Variants in FRY observed in about 807,000 individuals in gnomAD.
FRY encodes the protein protein furry homolog.
FRY carries 128 observed loss-of-function variants against 348.4 expected under a neutral mutation model. That is an observed-to-expected ratio of 0.37 (90% confidence interval 0.32 to 0.43). The LOEUF is 0.43. Among genes scored for constraint, FRY ranks in the 20% least tolerant of loss-of-function variants. The pLI is 1.00. For missense variants in FRY, 2,736 were observed against 3,695.2 expected, an observed-to-expected ratio of 0.74 and a Z score of 6.73; for synonymous variants, 1,370 against 1,374.7, an observed-to-expected ratio of 1.00 and a Z score of 0.08.
intron 42 of FRY, among the ~76,000 whole-genome samples, chr13:32,235,724 G>A (rs1018780143): frequency 2.0e-5 from 3 of 152,138 alleles, no homozygotes; most frequent in Non-Finnish European, 4.4e-5. Flanking sequence ...AAAACACCAC[G>A]GAGGCAGCTC....
chr13:32,185,978 GT>G (rs1467880230), intron 26 of FRY, among the ~76,000 whole-genome samples: 2 of 152,148 alleles, frequency 1.3e-5, no homozygotes, highest in African/African-American at 4.8e-5. Context: ...AAGTGTTGCA[GT>G]TTTCCCAGGT....
chr13:32,206,826 G>A (rs1328510905), intron 31 of FRY, among the ~76,000 whole-genome samples: 2 of 152,190 alleles, frequency 1.3e-5, no homozygotes, highest in Non-Finnish European at 2.9e-5. Flanking sequence ...TATAAACCCT[G>A]TGGTGAAATT....
chr13:32,249,406 T>A (rs540116493), intron 48 of FRY, 120 bp from the exon 49 acceptor site: 4 of 1,078,050 alleles, frequency 3.7e-6, no homozygotes, highest in Non-Finnish European at 5.5e-6. Context: ...CTTGTAACAC[T>A]GAACTTCTCT....
At position 32,133,505 on chromosome 13, in the gene FRY, T is replaced by C. The variant is rs139701338; in HGVS notation, c.886-1399T>C. On this transcript the variant is annotated intron_variant, in intron 8 of 60. Transcript: ENST00000542859. ...GACTTGAGAGAGTATTACATACTTA[T>C]GCAAAATAATGTAGCAAAAGAATGA... Among the ~76,000 whole-genome samples, 549 of 152,326 alleles carry C rather than the reference T, an allele frequency of 3.6e-3. 5 individuals carry two copies. The highest frequency in any genetic ancestry group is 0.013 in the African/African-American group (522 of 41,566).
At chr13:32,060,479 G>A (rs918702054) in intron 1 of FRY, among the ~76,000 whole-genome samples, 1 of 152,052 alleles carries the variant, frequency 6.6e-6, no homozygotes, top group Admixed American at 6.6e-5. Context: ...ATGGTTTCTC[G>A]CTGACTCTTG....
At chr13:32,077,334 C>T (rs149958346) in intron 1 of FRY, among the ~76,000 whole-genome samples, 3 of 152,108 alleles carry the variant, frequency 2.0e-5, no homozygotes, top group Non-Finnish European at 2.9e-5. Context: ...AAATAATGTC[C>T]GCAAAGAAGT....
rs758946061 is a variant in FRY at position 32,239,693 on chromosome 13, AT to A, written c.6517-11del. ...CATTGGGCTATTTTATTCCTAATTGATTTTTTTATTTTAAAAGGTTTGTTTA... is the reference window on the plus strand; with the variant it reads ...CATTGGGCTATTTTATTCCTAATTGATTTTTTATTTTAAAAGGTTTGTTTA... On this transcript the variant is annotated splice_polypyrimidine_tract_variant and intron_variant, in intron 45 of 60. Coordinates refer to ENST00000542859, the MANE Select transcript of FRY (RefSeq NM_023037.3). This position sits in a 1 kb window ranked among gnomAD's most constrained non-coding sequence, Gnocchi z 4.3. 1.3e-6 allele frequency: 2 copies of A among 1,573,202 alleles called. No individual in the cohort carries two copies. The highest frequency in any genetic ancestry group is 1.7e-6 in the Non-Finnish European group (2 of 1,143,294).
intron 33 of FRY, 31 bp from the exon 34 acceptor site, chr13:32,210,835 A>G: frequency 2.5e-6 from 4 of 1,603,352 alleles, no homozygotes; most frequent in Non-Finnish European, 3.4e-6. Flanking sequence ...GGCTCTGTGA[A>G]ACATCCCTTG....
intron 48 of FRY, among the ~76,000 whole-genome samples, chr13:32,249,192 C>G (rs1181316092): frequency 6.6e-6 from 1 of 152,140 alleles, no homozygotes; most frequent in Non-Finnish European, 1.5e-5. Context: ...GTCTCTTGTT[C>G]TAACTATATG....
chr13:32,155,304 G>C (rs1295611299), intron 14 of FRY, among the ~76,000 whole-genome samples, 187 bp from the exon 15 acceptor site: 2 of 152,078 alleles, frequency 1.3e-5, no homozygotes, highest in African/African-American at 4.8e-5. Flanking sequence ...TTCTTATAAT[G>C]CAACAAGAAA....
Position 32,239,887 on chromosome 13 carries a change from C to T in FRY, c.6687+6C>T. ...TGGTTACCTACCTGGCAGAGGTAAG[C>T]TTTTTTTTTTTGTTTTTTGAGACAG... On this transcript the variant is annotated splice_donor_region_variant and intron_variant, in intron 46 of 60. Transcript: ENST00000542859. The surrounding 1 kb of genome is among the most constrained non-coding windows in gnomAD (Gnocchi z 4.3). 2 of 1,260,068 alleles carry T rather than the reference C, an allele frequency of 1.6e-6. No individual in the cohort carries two copies. Among genetic ancestry groups the T allele is most frequent in the Non-Finnish European group, 2.2e-6 (2 of 909,006 alleles). The allele number at this position is 1,260,068 out of a possible 1,614,324, so 78.1% of individuals were successfully genotyped here.
At chr13:32,194,083 C>T in intron 28 of FRY, 60 bp from the exon 29 acceptor site, 1 of 1,485,438 alleles carries the variant, frequency 6.7e-7, no homozygotes, top group Non-Finnish European at 9.4e-7. Flanking sequence ...TTATCTGTAT[C>T]TTTCTCTAGA....
At chr13:32,069,865 A>T (rs451237) in intron 1 of FRY, among the ~76,000 whole-genome samples, 1 of 142,264 alleles carries the variant, frequency 7.0e-6, no homozygotes, top group Non-Finnish European at 1.5e-5. Flanking sequence ...CCTCCCCCAG[A>T]CCCCCACCCC....
rs374808796 is a variant in FRY, at chr13:32,254,400, G to A, written c.7416+6G>A. 11 of 1,612,456 alleles carry A rather than the reference G, an allele frequency of 6.8e-6. No individual in the cohort carries two copies. The African/African-American group carries it at 9.3e-5, about 14-fold the overall frequency. ...TGGAGCTGGAGGATGGAGAGGTACG[G>A]TGTATTCTCTGTAAAAATAATCCCC... On this transcript the variant is annotated splice_donor_region_variant and intron_variant, in intron 51 of 60. Coordinates refer to ENST00000542859, the MANE Select transcript of FRY (RefSeq NM_023037.3).
intron 11 of FRY, among the ~76,000 whole-genome samples, chr13:32,141,358 A>T (rs1880059829): frequency 1.3e-5 from 2 of 152,252 alleles, no homozygotes; most frequent in African/African-American, 4.8e-5. Flanking sequence ...TGTCAAAAAG[A>T]TGTAAAGTAT....
chr13:32,051,919 TAAG>T (rs895972176), intron 1 of FRY, among the ~76,000 whole-genome samples: 1 of 152,330 alleles, frequency 6.6e-6, no homozygotes, highest in African/African-American at 2.4e-5. Context: ...AGAGGAAGAT[TAAG>T]ATGTTTAAAA....
intron 3 of FRY, among the ~76,000 whole-genome samples, chr13:32,116,829 C>G (rs962938509): frequency 1.1e-4 from 16 of 151,978 alleles, no homozygotes; most frequent in African/African-American, 3.9e-4. Flanking sequence ...TATTTTGAGT[C>G]TAATTTGGGG....
chr13:32,257,078 A>T (rs901794270), intron 51 of FRY, among the ~76,000 whole-genome samples: 3 of 152,218 alleles, frequency 2.0e-5, no homozygotes, highest in Non-Finnish European at 1.5e-5. Context: ...CATCCCCAAG[A>T]TATCTCATTA....
chr13:32,098,997 A>G (rs1269868037), intron 2 of FRY, among the ~76,000 whole-genome samples: 1 of 151,862 alleles, frequency 6.6e-6, no homozygotes, highest in African/African-American at 2.4e-5. Context: ...CGTTTCTTCA[A>G]GAACAAAGAC....
Sources: allele counts gnomAD v4.1 joint callset (sites outside exome capture counted in the v4.1 genomes callset), GRCh38; gene constraint gnomAD v4.1.1; non-coding constraint Gnocchi (gnomAD v3.1); transcripts MANE v1.5; gene names NCBI Gene and HGNC (gene_info 2026-07-23, HGNC 2026-07-21).